The following USP50 variants were observed in gnomAD, a reference collection of about 807,000 sequenced individuals.
USP50 encodes ubiquitin carboxyl-terminal hydrolase 50.
In USP50, 37 loss-of-function variants were observed where a neutral mutation model predicts 39.2. The observed-to-expected ratio is 0.94, with a 90% CI of 0.73 to 1.24. USP50 has a LOEUF of 1.24. USP50 is among the 50% of genes most tolerant of loss of function. The pLI is 0.00. For synonymous variants in USP50, 139 were observed against 144.5 expected, an observed-to-expected ratio of 0.96 and a Z score of 0.27; for missense variants, 374 against 398.2, an observed-to-expected ratio of 0.94 and a Z score of 0.52.
intron 5 of USP50, 62 bp from the exon 6 acceptor site, chr15:50,529,991 T>G: frequency 6.3e-7 from 1 of 1,589,136 alleles, no homozygotes; most frequent in East Asian, 2.3e-5. Flanking sequence ...TTTGTCTACA[T>G]GACAAATTCC....
At chr15:50,519,298 T>C (rs2052828873) in intron 6 of USP50, among the ~76,000 whole-genome samples, 1 of 147,540 alleles carries the variant, frequency 6.8e-6, no homozygotes, top group African/African-American at 2.5e-5. Flanking sequence ...AAAAAATCAG[T>C]ACAATACAAT....
chr15:50,498,369 C>G (rs899941556), downstream of USP50: 6 of 455,788 alleles, frequency 1.3e-5, no homozygotes, highest in Admixed American at 7.8e-5. Context: ...ACCATTCTGG[C>G]TGTTTGACCT....
intron 6 of USP50, among the ~76,000 whole-genome samples, chr15:50,529,474 A>G (rs2052923452): frequency 6.6e-6 from 1 of 152,304 alleles, no homozygotes; most frequent in Non-Finnish European, 1.5e-5. Flanking sequence ...CCTGGGCAAC[A>G]GAGCAAGGCC....
chr15:50,501,398 T>C (rs62019116), intron 6 of USP50: 23,449 of 151,238 alleles, frequency 0.16, 2,180 homozygotes, highest in Middle Eastern at 0.28. Context: ...CTCTCGAGCC[T>C]GAGAGGTCGA....
At chr15:50,525,219 A>T (rs2052878970) in intron 6 of USP50, among the ~76,000 whole-genome samples, 1 of 152,114 alleles carries the variant, frequency 6.6e-6, no homozygotes, top group Non-Finnish European at 1.5e-5. Flanking sequence ...AATCTATTGA[A>T]CTCACTGAAG....
chr15:50,517,963 G>A (rs1412698814), intron 6 of USP50, among the ~76,000 whole-genome samples: 2 of 152,176 alleles, frequency 1.3e-5, no homozygotes, highest in African/African-American at 4.8e-5. Flanking sequence ...GCCCCTCTAA[G>A]TGCTGGGATT....
At chr15:50,494,430 G>T in intron 1 of USP50, 2 of 655,410 alleles carry the variant, frequency 3.1e-6, no homozygotes, top group Admixed American at 3.6e-5. Context: ...AAAACATCAG[G>T]TAAGTGTAAT....
At chr15:50,493,747 C>CAAAA (rs1200039587), downstream of USP50, 1 of 407,194 alleles carries the variant, frequency 2.5e-6, no homozygotes, top group East Asian at 5.9e-5. Flanking sequence ...GACCCTATCT[C>CAAAA]AAAAAAGAGT....
At chr15:50,508,636 A>G (rs1288249538) in intron 6 of USP50, 1 of 152,214 alleles carries the variant, frequency 6.6e-6, no homozygotes, top group Admixed American at 6.5e-5. Flanking sequence ...ATAACCCATA[A>G]AGCAGAAAAC....
At chr15:50,535,574 C>A (rs1344645756) in intron 5 of USP50, among the ~76,000 whole-genome samples, 1 of 152,152 alleles carries the variant, frequency 6.6e-6, no homozygotes, top group African/African-American at 2.4e-5. Context: ...GGAGATTAAG[C>A]AACACACTTC....
At chr15:50,517,453 C>T (rs2052812582) in intron 6 of USP50, among the ~76,000 whole-genome samples, 1 of 143,234 alleles carries the variant, frequency 7.0e-6, no homozygotes, top group Admixed American at 7.3e-5. Flanking sequence ...GCCTAGGCAA[C>T]AAGAGCAAAA....
chr15:50,537,038 A>C (rs1052222404), intron 5 of USP50, among the ~76,000 whole-genome samples: 1 of 152,208 alleles, frequency 6.6e-6, no homozygotes, highest in African/African-American at 2.4e-5. Context: ...AAACTTCAAA[A>C]CTTATTTTAA....
At chr15:50,496,439 C>T (rs1205297176), downstream of USP50, among the ~76,000 whole-genome samples, 1 of 147,690 alleles carries the variant, frequency 6.8e-6, no homozygotes, top group Admixed American at 6.8e-5. Flanking sequence ...TGAGATCTCG[C>T]CACTGCACTC....
At chr15:50,501,302 GAAAA>G (rs59352489) in intron 6 of USP50, 7 of 108,808 alleles carry the variant, frequency 6.4e-5, no homozygotes, top group South Asian at 6.0e-4. Context: ...TCTTTTAAAG[GAAAA>G]AAAAAAAAAA....
chr15:50,526,850 G>A (rs1015118867), intron 6 of USP50, among the ~76,000 whole-genome samples: 9 of 152,180 alleles, frequency 5.9e-5, no homozygotes, highest in Non-Finnish European at 1.2e-4. Flanking sequence ...TTCCTATTCT[G>A]TAAAATGGGA....
intron 6 of USP50, among the ~76,000 whole-genome samples, chr15:50,514,833 A>G (rs1196599418): frequency 6.6e-6 from 1 of 151,546 alleles, no homozygotes. Flanking sequence ...TGGCCTACAA[A>G]TTTTTTTAAA....
chr15:50,544,552 G>C, intron 2 of USP50, 35 bp downstream of exon 2: 1 of 1,580,514 alleles, frequency 6.3e-7, no homozygotes. Flanking sequence ...AAGTGGGGGT[G>C]GGGGCTGGGC....
intron 5 of USP50, among the ~76,000 whole-genome samples, chr15:50,531,444 ACT>A (rs540727394): frequency 1.1e-4 from 16 of 152,262 alleles, no homozygotes; most frequent in African/African-American, 2.2e-4. Context: ...TGAAAGAAAA[ACT>A]CTGAAAGCTA....
At chr15:50,522,887 A>T (rs2052860958) in intron 6 of USP50, among the ~76,000 whole-genome samples, 5 of 152,090 alleles carry the variant, frequency 3.3e-5, no homozygotes, top group Admixed American at 3.3e-4. Flanking sequence ...ACCTCAAGTG[A>T]TCCACTTGCC....
Sources: allele counts gnomAD v4.1 joint callset (sites outside exome capture counted in the v4.1 genomes callset), GRCh38; gene constraint gnomAD v4.1.1; transcripts MANE v1.5; gene names NCBI Gene and HGNC (gene_info 2026-07-23, HGNC 2026-07-21).